The following COP1 variants were observed in gnomAD, a reference collection of about 807,000 sequenced individuals.
COP1 encodes the protein COP1 E3 ubiquitin ligase.
In COP1, 24 loss-of-function variants were observed where a neutral mutation model predicts 101.3. The observed-to-expected ratio is 0.24, with a 90% CI of 0.17 to 0.33. COP1 has a LOEUF of 0.33. Among genes scored for constraint, COP1 ranks in the 10% least tolerant of loss-of-function variants. The pLI, the probability that COP1 is intolerant of heterozygous loss-of-function variation, is 1.00. For synonymous variants in COP1, 347 were observed against 341.9 expected (o/e 1.01, Z -0.17); for missense variants, 663 against 906.2 (o/e 0.73, Z 3.45).
At chr1:176,039,974 A>T (rs1247558823) in intron 14 of COP1, among the ~76,000 whole-genome samples, 1 of 152,192 alleles carries the variant, frequency 6.6e-6, no homozygotes, top group African/African-American at 2.4e-5. Flanking sequence ...AACAAAAATT[A>T]AAAAGTTAAA....
intron 15 of COP1, among the ~76,000 whole-genome samples, chr1:176,006,979 G>T (rs1162305386): frequency 1.3e-5 from 2 of 151,902 alleles, no homozygotes; most frequent in East Asian, 3.9e-4. Context: ...ATCACTTTCA[G>T]GTATACCAAT....
intron 18 of COP1, among the ~76,000 whole-genome samples, chr1:175,949,796 C>T (rs1649648314): frequency 6.6e-6 from 1 of 152,152 alleles, no homozygotes; most frequent in South Asian, 2.1e-4. Context: ...TGGGTCTAGT[C>T]ACCTTTTAAT....
chr1:175,999,194 G>A (rs1384418121), intron 15 of COP1, among the ~76,000 whole-genome samples: 1 of 151,996 alleles, frequency 6.6e-6, no homozygotes. Flanking sequence ...CCAAATACTA[G>A]GTCTTACTCA....
At chr1:176,116,501 C>A in intron 9 of COP1, 123 bp downstream of exon 9, 1 of 709,158 alleles carries the variant, frequency 1.4e-6, no homozygotes, top group Non-Finnish European at 2.4e-6. Flanking sequence ...AAGTGCTAAT[C>A]AACACCACTG....
At chr1:176,072,516 C>T (rs536599491) in intron 11 of COP1, among the ~76,000 whole-genome samples, 1 of 152,300 alleles carries the variant, frequency 6.6e-6, no homozygotes, top group East Asian at 1.9e-4. Flanking sequence ...TCTCAACCAA[C>T]CCCAGATGGT....
At chr1:176,057,549 C>G (rs1208484430) in intron 11 of COP1, among the ~76,000 whole-genome samples, 3 of 152,210 alleles carry the variant, frequency 2.0e-5, no homozygotes, top group Non-Finnish European at 4.4e-5. Flanking sequence ...GTTGGCCGGG[C>G]TGGTCTCCAG....
chr1:176,178,255 AACATTACCAGGAAATAT>A (rs1697230191), intron 2 of COP1, among the ~76,000 whole-genome samples: 1 of 152,182 alleles, frequency 6.6e-6, no homozygotes, highest in South Asian at 2.1e-4. Flanking sequence ...GAAATGAGTT[AACATTACCAGGAAATAT>A]ACATACAAAA....
chr1:176,023,735 A>AAAAAGAAAAG (rs1160885975), intron 15 of COP1, among the ~76,000 whole-genome samples: 2 of 107,428 alleles, frequency 1.9e-5, no homozygotes, highest in African/African-American at 3.2e-5. Context: ...AAAAAAAAAA[A>AAAAAGAAAAG]AAAAGAAAAG....
chr1:176,017,686 G>A (rs1292124941), intron 15 of COP1: 3 of 152,070 alleles, frequency 2.0e-5, no homozygotes, highest in Non-Finnish European at 2.9e-5. Context: ...CACCACACCT[G>A]GTTAATTTTT....
chr1:176,035,710 C>CAAAAAAAAAAAAAAAAAAAAAAACAAAA (rs71129541), intron 14 of COP1, among the ~76,000 whole-genome samples: 1 of 73,112 alleles, frequency 1.4e-5, no homozygotes. Flanking sequence ...AAAACGAGAC[C>CAAAAAAAAAAAAAAAAAAAAAAACAAAA]AAAAAAAAAA....
chr1:176,122,034 G>A (rs1352033100), intron 8 of COP1, among the ~76,000 whole-genome samples: 1 of 151,808 alleles, frequency 6.6e-6, no homozygotes, highest in Non-Finnish European at 1.5e-5. Flanking sequence ...CAGCTACTCA[G>A]GAGGCTGAGG....
At chr1:176,123,381 T>A (rs1234629966) in intron 8 of COP1, among the ~76,000 whole-genome samples, 1 of 152,136 alleles carries the variant, frequency 6.6e-6, no homozygotes, top group Admixed American at 6.6e-5. Context: ...CCTAAGCAAG[T>A]TTTACCATGT....
At position 176,033,169 on chromosome 1, in the gene COP1, T is replaced by C. The variant is rs1019002819; in HGVS notation, c.1613-5481A>G. Among the ~76,000 whole-genome samples the C allele has an allele frequency of 2.6e-5, 4 of 152,206 alleles. No homozygotes were observed. In the East Asian group the frequency reaches 7.7e-4, roughly 29 times the overall value. On this transcript the variant is annotated intron_variant, in intron 14 of 19. Transcript: ENST00000367669. ...GCTCATGCCTGTAATCCCAGCACCT[T>C]GGGAGGCCGAGGTGGGTGGATCACT...
At chr1:175,957,654 T>C (rs541229058) in intron 18 of COP1, among the ~76,000 whole-genome samples, 3 of 152,222 alleles carry the variant, frequency 2.0e-5, no homozygotes, top group Non-Finnish European at 2.9e-5. Flanking sequence ...TTACAACTAC[T>C]CTACAATCTC....
At chr1:175,960,912 C>T (rs1031016291) in intron 18 of COP1, among the ~76,000 whole-genome samples, 12 of 152,170 alleles carry the variant, frequency 7.9e-5, no homozygotes, top group African/African-American at 2.4e-4. Context: ...GTGTGTGAGT[C>T]GGTTGACTGA....
chr1:175,989,253 A>G, intron 16 of COP1, 109 bp downstream of exon 16: 1 of 567,124 alleles, frequency 1.8e-6, no homozygotes, highest in Non-Finnish European at 3.2e-6. Context: ...AAGAAAAAGT[A>G]CATATACTCC....
intron 5 of COP1, among the ~76,000 whole-genome samples, chr1:176,152,208 A>G (rs996131050): frequency 1.3e-5 from 2 of 152,020 alleles, no homozygotes; most frequent in African/African-American, 2.4e-5. Flanking sequence ...TGCAGTGAGC[A>G]GTGATCGCAC....
At chr1:176,124,406 C>T (rs1687676244) in intron 8 of COP1, among the ~76,000 whole-genome samples, 1 of 151,034 alleles carries the variant, frequency 6.6e-6, no homozygotes, top group African/African-American at 2.4e-5. Flanking sequence ...TCCCACCTCC[C>T]CTGCCCCCCA....
At chr1:176,139,051 G>C (rs1012671212) in intron 6 of COP1, among the ~76,000 whole-genome samples, 3 of 151,662 alleles carry the variant, frequency 2.0e-5, no homozygotes, top group Non-Finnish European at 2.9e-5. Context: ...CTAATATCCA[G>C]AATCTACAAG....
Sources: gnomAD v4.1 joint callset for allele counts (sites outside exome capture counted in the v4.1 genomes callset) on GRCh38, gnomAD v4.1.1 for gene constraint, MANE v1.5 for transcripts, NCBI Gene and HGNC (gene_info 2026-07-23, HGNC 2026-07-21) for gene names.